CTNNA2: variants seen among roughly 807,000 people sequenced by gnomAD.
The protein encoded by CTNNA2 is catenin alpha 2.
In CTNNA2, 42 loss-of-function variants were observed where a neutral mutation model predicts 101.0. The observed-to-expected ratio is 0.42, with a 90% confidence interval of 0.32 to 0.54. The LOEUF is 0.54. CTNNA2 is among the 20% of genes least tolerant of loss of function. The pLI, the probability that CTNNA2 is intolerant of heterozygous loss-of-function variation, is 0.14. For missense variants in CTNNA2, 871 were observed against 1,223.1 expected (o/e 0.71, Z 4.29); for synonymous variants, 450 against 456.4 (o/e 0.99, Z 0.18).
chr2:79,511,809 A>G (rs1671550526), upstream of CTNNA2, among the ~76,000 whole-genome samples: 1 of 152,136 alleles, frequency 6.6e-6, no homozygotes, highest in Non-Finnish European at 1.5e-5. Flanking sequence ...TCAATGGCAT[A>G]GCCATTGATG....
chr2:79,278,520 C>CAA (rs1183039742), intron 2 of CTNNA2, among the ~76,000 whole-genome samples: 1 of 89,874 alleles, frequency 1.1e-5, no homozygotes, highest in African/African-American at 4.2e-5. Context: ...CCCAAGCCCA[C>CAA]GAAAAAAAAA....
intron 7 of CTNNA2, among the ~76,000 whole-genome samples, chr2:80,205,090 A>T (rs931266248): frequency 1.3e-5 from 2 of 152,190 alleles, no homozygotes; most frequent in African/African-American, 4.8e-5. Flanking sequence ...GAATTATGTG[A>T]GCTACAAGAT....
intron 2 of CTNNA2, among the ~76,000 whole-genome samples, chr2:79,730,785 A>G (rs1687147861): frequency 6.6e-6 from 1 of 152,046 alleles, no homozygotes; most frequent in African/African-American, 2.4e-5. Context: ...ATACGTACAT[A>G]CACAGGACAC....
intron 9 of CTNNA2, among the ~76,000 whole-genome samples, chr2:80,524,295 C>T (rs944759025): frequency 6.6e-6 from 1 of 152,144 alleles, no homozygotes; most frequent in Non-Finnish European, 1.5e-5. Flanking sequence ...TGTATATCCT[C>T]CTCCACATTC....
chr2:79,584,815 C>T (rs755214745), intron 1 of CTNNA2, among the ~76,000 whole-genome samples: 3 of 152,154 alleles, frequency 2.0e-5, no homozygotes, highest in African/African-American at 7.2e-5. Context: ...CCACCGCACC[C>T]GGCGCAAGCA....
chr2:79,375,008 G>A (rs191481189), intron 4 of CTNNA2, among the ~76,000 whole-genome samples: 81 of 152,210 alleles, frequency 5.3e-4, no homozygotes, highest in Non-Finnish European at 1.0e-3. Flanking sequence ...ATGAAGTGAC[G>A]ATTTTCAGCA....
chr2:80,428,586 CAT>C (rs1186915305), intron 9 of CTNNA2, among the ~76,000 whole-genome samples: 1 of 152,168 alleles, frequency 6.6e-6, no homozygotes, highest in Non-Finnish European at 1.5e-5. Flanking sequence ...TTTAATAAAA[CAT>C]AGCCTACAAT....
intron 6 of CTNNA2, among the ~76,000 whole-genome samples, chr2:79,881,000 A>G (rs750759023): frequency 3.3e-5 from 5 of 152,060 alleles, no homozygotes; most frequent in Non-Finnish European, 5.9e-5. Flanking sequence ...TGTGTCCCAG[A>G]GATTTTGGTA....
At chr2:80,212,725 G>GGCA (rs1209686386) in intron 7 of CTNNA2, among the ~76,000 whole-genome samples, 9 of 152,120 alleles carry the variant, frequency 5.9e-5, no homozygotes, top group Admixed American at 5.2e-4. Flanking sequence ...GGATGATGCT[G>GGCA]GCCTCATAGA....
chr2:79,228,180 T>C (rs1674445888), intron 2 of CTNNA2, among the ~76,000 whole-genome samples: 2 of 152,216 alleles, frequency 1.3e-5, no homozygotes, highest in African/African-American at 4.8e-5. Flanking sequence ...TTAGATTGTA[T>C]GTCCTTGCTA....
chr2:79,763,155 T>C (rs1672914813), intron 3 of CTNNA2, among the ~76,000 whole-genome samples: 1 of 152,220 alleles, frequency 6.6e-6, no homozygotes, highest in Non-Finnish European at 1.5e-5. Flanking sequence ...TAATGAAGTC[T>C]ATATCGCTAA....
intron 7 of CTNNA2, among the ~76,000 whole-genome samples, chr2:80,200,864 C>CT (rs1707157828): frequency 7.3e-6 from 1 of 136,788 alleles, no homozygotes; most frequent in African/African-American, 3.4e-5. Flanking sequence ...ACCTGATAGC[C>CT]TTGGTTTTTT....
chr2:80,302,833 G>A lies in CTNNA2; in HGVS notation c.1057-90378G>A, dbSNP rs1165512846. 17 of 1,613,952 alleles carry A rather than the reference G, an allele frequency of 1.1e-5. No homozygotes were observed. The highest frequency in any genetic ancestry group is 8.5e-7 in the Non-Finnish European group (1 of 1,180,042). ...CATCGTAGCGCCCCTGGAAGTTGTT[G>A]AGCCACGAGGCTAGGGCACACACGT... On this transcript the variant is annotated intron_variant, in intron 7 of 18. Coordinates refer to ENST00000402739, the MANE Select transcript of CTNNA2 (RefSeq NM_001282597.3). The surrounding 1 kb of genome is among the most constrained non-coding windows in gnomAD (Gnocchi z 6.4).
At chr2:80,022,688 A>G (rs1408518938) in intron 7 of CTNNA2, among the ~76,000 whole-genome samples, 1 of 152,220 alleles carries the variant, frequency 6.6e-6, no homozygotes, top group Non-Finnish European at 1.5e-5. Context: ...GTAAGGAAAC[A>G]ACATGACAAT....
intron 18 of CTNNA2, among the ~76,000 whole-genome samples, chr2:80,629,878 T>G (rs1045856234): frequency 4.6e-5 from 7 of 152,286 alleles, no homozygotes; most frequent in African/African-American, 1.4e-4. Context: ...CTGGTTGAAA[T>G]CTTGACCTTT....
chr2:79,910,474 T>G (rs1182439365), intron 7 of CTNNA2, among the ~76,000 whole-genome samples: 1 of 152,226 alleles, frequency 6.6e-6, no homozygotes, highest in Non-Finnish European at 1.5e-5. Flanking sequence ...AAACTCATAT[T>G]CTTTGCCTTG....
chr2:80,531,418 C>A (rs188241502), intron 9 of CTNNA2, among the ~76,000 whole-genome samples: 1 of 152,284 alleles, frequency 6.6e-6, no homozygotes, highest in Non-Finnish European at 1.5e-5. Flanking sequence ...AAGAAGGATA[C>A]GGCCACAGAT....
chr2:79,936,931 C>T (rs954011196), intron 7 of CTNNA2, among the ~76,000 whole-genome samples: 4 of 152,058 alleles, frequency 2.6e-5, no homozygotes, highest in Non-Finnish European at 4.4e-5. Context: ...CTAAGTAAGC[C>T]GCGAAAGAGC....
At chr2:79,504,886 A>G (rs1671379404) in intron 4 of CTNNA2, among the ~76,000 whole-genome samples, 1 of 152,116 alleles carries the variant, frequency 6.6e-6, no homozygotes, top group African/African-American at 2.4e-5. Context: ...CCATTCTTTA[A>G]TTTTGTTCAT....
Sources: allele counts gnomAD v4.1 joint callset (sites outside exome capture counted in the v4.1 genomes callset), GRCh38; gene constraint gnomAD v4.1.1; non-coding constraint Gnocchi (gnomAD v3.1); transcripts MANE v1.5; gene names NCBI Gene and HGNC (gene_info 2026-07-23, HGNC 2026-07-21).